Variants in KDELR1 observed in about 807,000 individuals in gnomAD.
KDELR1 encodes the protein KDEL endoplasmic reticulum protein retention receptor 1.
In KDELR1, 16 loss-of-function variants were observed where a neutral mutation model predicts 25.5. That is an observed-to-expected ratio of 0.63 (90% CI 0.43 to 0.95). KDELR1 has a LOEUF of 0.95. Among genes scored for constraint, KDELR1 ranks in the 40% least tolerant of loss-of-function variants. The pLI, the probability that KDELR1 is intolerant of heterozygous loss-of-function variation, is 0.00. For missense variants in KDELR1, 159 were observed against 265.2 expected, an observed-to-expected ratio of 0.60 and a Z score of 2.78; for synonymous variants, 121 against 115.0, an observed-to-expected ratio of 1.05 and a Z score of -0.33.
At chr19:48,392,142 C>T (rs1311990556), upstream of KDELR1, among the ~76,000 whole-genome samples, 2 of 147,206 alleles carry the variant, frequency 1.4e-5, no homozygotes, top group African/African-American at 5.0e-5. Flanking sequence ...GTCCAGGCCC[C>T]CAGCCTCCTC....
intron 3 of KDELR1, among the ~76,000 whole-genome samples, chr19:48,388,450 CT>C (rs1970512484): frequency 6.6e-6 from 1 of 152,098 alleles, no homozygotes; most frequent in Non-Finnish European, 1.5e-5. Flanking sequence ...CTTTGGGAGG[CT>C]GAGGAGAGTG....
At chr19:48,383,771 C>A (rs1017398086) in intron 4 of KDELR1, among the ~76,000 whole-genome samples, 1 of 152,118 alleles carries the variant, frequency 6.6e-6, no homozygotes, top group African/African-American at 2.4e-5. Context: ...TCCCAAAGTG[C>A]TGGGATTACA....
chr19:48,394,693 G>T (rs1808426557), upstream of KDELR1, among the ~76,000 whole-genome samples: 1 of 152,210 alleles, frequency 6.6e-6, no homozygotes, highest in African/African-American at 2.4e-5. This position sits in a 1 kb window ranked among gnomAD's most constrained non-coding sequence, Gnocchi z 5.1. Context: ...CCTAGTCCAG[G>T]TGGCCGCAAC....
chr19:48,389,472 G>A (rs1047723272), intron 3 of KDELR1, 81 bp downstream of exon 3: 30 of 1,542,222 alleles, frequency 1.9e-5, no homozygotes, highest in Non-Finnish European at 2.6e-5. Context: ...CCTGCAGAAG[G>A]AAGCCTGTGA....
At chr19:48,393,370 G>C (rs1024385199), upstream of KDELR1, among the ~76,000 whole-genome samples, 11 of 152,120 alleles carry the variant, frequency 7.2e-5, no homozygotes, top group South Asian at 1.0e-3. The surrounding 1 kb of genome is among the most constrained non-coding windows in gnomAD (Gnocchi z 5.6). Context: ...TGTTTCCAGA[G>C]CCTCAAGGCA....
chr19:48,395,963 T>C (rs1970634694), upstream of KDELR1, among the ~76,000 whole-genome samples: 1 of 151,168 alleles, frequency 6.6e-6, no homozygotes, highest in Non-Finnish European at 1.5e-5. Context: ...CAGGACCGAA[T>C]GCCCAGACTC....
upstream of KDELR1, among the ~76,000 whole-genome samples, chr19:48,393,665 C>T (rs1373855648): frequency 1.3e-5 from 2 of 151,958 alleles, no homozygotes; most frequent in Admixed American, 6.6e-5. The surrounding 1 kb of genome is among the most constrained non-coding windows in gnomAD (Gnocchi z 5.6). Flanking sequence ...GAATGTTAAT[C>T]GCATCCCGAG....
At chr19:48,390,855 T>C in intron 1 of KDELR1, 1 of 426,690 alleles carries the variant, frequency 2.3e-6, no homozygotes, top group Admixed American at 3.8e-5. Context: ...TCCCGCAGTC[T>C]GGACCTGAGG....
chr19:48,393,896 G>C (rs1212117332), upstream of KDELR1, among the ~76,000 whole-genome samples: 1 of 152,036 alleles, frequency 6.6e-6, no homozygotes, highest in African/African-American at 2.4e-5. This position sits in a 1 kb window ranked among gnomAD's most constrained non-coding sequence, Gnocchi z 5.6. Flanking sequence ...CGGGTGTCTG[G>C]GGCTGGCTGG....
At chr19:48,394,228 G>A (rs914463970), upstream of KDELR1, among the ~76,000 whole-genome samples, 5 of 151,968 alleles carry the variant, frequency 3.3e-5, no homozygotes, top group African/African-American at 1.2e-4. The surrounding 1 kb of genome is among the most constrained non-coding windows in gnomAD (Gnocchi z 5.1). Context: ...CTCTGGGGGT[G>A]TTGAGGGGGA....
At position 48,391,500 on chromosome 19, in the gene KDELR1, T is replaced by G; in HGVS notation, c.-142A>C. 1.5e-6 allele frequency: 1 copy of G among 647,666 alleles called. No individual in the cohort carries two copies. The highest frequency in any genetic ancestry group is 1.8e-5 in the South Asian group (1 of 54,328). The allele number at this position is 647,666 out of a possible 1,614,324, so 40.1% of individuals were successfully genotyped here. On this transcript the variant is annotated 5_prime_UTR_variant, in exon 1 of 5. Coordinates refer to ENST00000330720, the MANE Select transcript of KDELR1 (RefSeq NM_006801.3). ...GTGCGCTCCGCTCCGGGGAGGGGAC[T>G]TTGGGAGGGGGAGCAAAGGCTGGAG...
chr19:48,397,148 G>A, the KDELR1 span, among the ~76,000 whole-genome samples: 1 of 147,814 alleles, frequency 6.8e-6, no homozygotes, highest in Non-Finnish European at 1.5e-5. Context: ...CATCCCAGAT[G>A]GGGCCATGAC....
intron 3 of KDELR1, among the ~76,000 whole-genome samples, chr19:48,386,296 T>A (rs1277540792): frequency 6.6e-6 from 1 of 151,972 alleles, no homozygotes; most frequent in African/African-American, 2.4e-5. Flanking sequence ...TGTATTTTTT[T>A]AGTAAAGACA....
chr19:48,394,320 G>A (rs564870476), upstream of KDELR1, among the ~76,000 whole-genome samples: 4 of 151,734 alleles, frequency 2.6e-5, no homozygotes, highest in African/African-American at 9.7e-5. This position sits in a 1 kb window ranked among gnomAD's most constrained non-coding sequence, Gnocchi z 5.1. Flanking sequence ...GAGTCAAGGG[G>A]GGGTCTAGAG....
the KDELR1 span, among the ~76,000 whole-genome samples, chr19:48,397,314 T>C: frequency 1.3e-5 from 2 of 151,764 alleles, no homozygotes; most frequent in African/African-American, 4.8e-5. Context: ...ACCTGACCCC[T>C]TTTCCCTCTC....
At chr19:48,388,063 T>G (rs1970510241) in intron 3 of KDELR1, among the ~76,000 whole-genome samples, 1 of 152,216 alleles carries the variant, frequency 6.6e-6, no homozygotes, top group Non-Finnish European at 1.5e-5. Flanking sequence ...GACACAGCAC[T>G]TCCTACCTCA....
chr19:48,390,771 G>GC (rs905835397), intron 1 of KDELR1: 11 of 514,372 alleles, frequency 2.1e-5, no homozygotes, highest in African/African-American at 2.1e-4. Flanking sequence ...GGCAGCCCAG[G>GC]CCCCCGAAGC....
At chr19:48,395,291 G>C (rs12460951), upstream of KDELR1, among the ~76,000 whole-genome samples, 3,195 of 146,348 alleles carry the variant, frequency 0.022, 111 homozygotes, top group African/African-American at 0.076. Flanking sequence ...CCCCCATCGC[G>C]AGCCGGTCCT....
chr19:48,389,006 C>T (rs1365524069), intron 3 of KDELR1, among the ~76,000 whole-genome samples: 1 of 152,174 alleles, frequency 6.6e-6, no homozygotes, highest in African/African-American at 2.4e-5. Flanking sequence ...AATGGTGGCT[C>T]ACGCCTGTAA....
Sources: gnomAD v4.1 joint callset for allele counts (sites outside exome capture counted in the v4.1 genomes callset) on GRCh38, gnomAD v4.1.1 for gene constraint, Gnocchi (gnomAD v3.1) non-coding constraint, MANE v1.5 for transcripts, NCBI Gene and HGNC (gene_info 2026-07-23, HGNC 2026-07-21) for gene names.